ROR1: variants seen among roughly 807,000 people sequenced by gnomAD.
ROR1 encodes the protein inactive tyrosine-protein kinase transmembrane receptor ROR1.
In ROR1, 19 loss-of-function variants were observed where a neutral mutation model predicts 78.8. The observed-to-expected ratio is 0.24, with a 90% confidence interval of 0.17 to 0.35. ROR1 has a LOEUF of 0.35. Ranked by LOEUF, ROR1 falls within the 10% of genes least tolerant of loss-of-function variation. The probability of loss-of-function intolerance (pLI) is 1.00; values close to 1 mark genes in which losing one functional copy is unlikely to be tolerated. For synonymous variants in ROR1, 386 were observed against 433.6 expected (o/e 0.89, Z 1.36); for missense variants, 917 against 1,177.8 (o/e 0.78, Z 3.24).
chr1:64,167,714 A>G (rs971372929), intron 8 of ROR1, among the ~76,000 whole-genome samples: 1 of 152,170 alleles, frequency 6.6e-6, no homozygotes, highest in African/African-American at 2.4e-5. Flanking sequence ...TCTTACATCT[A>G]TATACTCTCC....
intron 1 of ROR1, among the ~76,000 whole-genome samples, chr1:63,943,592 A>G (rs1645858957): frequency 6.6e-6 from 1 of 152,076 alleles, no homozygotes; most frequent in South Asian, 2.1e-4. Context: ...TTAGCAGAGC[A>G]GATACCGGGT....
At chr1:63,800,969 T>A (rs1164491221) in intron 1 of ROR1, among the ~76,000 whole-genome samples, 1 of 152,060 alleles carries the variant, frequency 6.6e-6, no homozygotes, top group Non-Finnish European at 1.5e-5. Context: ...CTAGGTTTTT[T>A]TTTTTTGGTG....
intron 1 of ROR1, among the ~76,000 whole-genome samples, chr1:63,810,269 C>T (rs2100268356): frequency 6.6e-6 from 1 of 152,302 alleles, no homozygotes; most frequent in African/African-American, 2.4e-5. Context: ...CCAGAGGAGG[C>T]AAAAGATATT....
chr1:63,779,750 A>G (rs766896781), intron 1 of ROR1, among the ~76,000 whole-genome samples: 3 of 152,164 alleles, frequency 2.0e-5, no homozygotes, highest in Non-Finnish European at 4.4e-5. Flanking sequence ...AAGGCAGTGA[A>G]ACGTGGATTA....
chr1:63,841,235 C>G (rs1445697926), intron 1 of ROR1, among the ~76,000 whole-genome samples: 1 of 152,206 alleles, frequency 6.6e-6, no homozygotes, highest in Non-Finnish European at 1.5e-5. Flanking sequence ...TGCTCAAGGT[C>G]ATAAAATTGC....
At chr1:64,055,964 T>C (rs1221672782) in intron 4 of ROR1, among the ~76,000 whole-genome samples, 1 of 152,252 alleles carries the variant, frequency 6.6e-6, no homozygotes, top group Admixed American at 6.5e-5. Context: ...TTCTTTCACT[T>C]AGCATAAGGA....
chr1:63,901,360 T>C (rs990073378), intron 1 of ROR1, among the ~76,000 whole-genome samples: 11 of 151,990 alleles, frequency 7.2e-5, no homozygotes, highest in African/African-American at 2.7e-4. Context: ...GCCTTGGGAG[T>C]TGTTGTCCGG....
intron 1 of ROR1, among the ~76,000 whole-genome samples, chr1:63,855,850 C>T (rs910375522): frequency 6.6e-5 from 10 of 151,186 alleles, no homozygotes; most frequent in Admixed American, 2.0e-4. Context: ...GTAGAGACGG[C>T]GTTTCACCAT....
At chr1:64,135,420 T>C (rs931868697) in intron 4 of ROR1, among the ~76,000 whole-genome samples, 3 of 151,996 alleles carry the variant, frequency 2.0e-5, no homozygotes. Flanking sequence ...GAGTTTAATG[T>C]GGGGGAGAAA....
intron 7 of ROR1, among the ~76,000 whole-genome samples, chr1:64,157,535 G>C (rs1649808848): frequency 6.6e-6 from 1 of 152,138 alleles, no homozygotes; most frequent in Non-Finnish European, 1.5e-5. Flanking sequence ...CCCAAAACCA[G>C]GTTTTGGTAT....
intron 1 of ROR1, among the ~76,000 whole-genome samples, chr1:63,812,249 G>A (rs1318446016): frequency 2.0e-5 from 3 of 152,152 alleles, no homozygotes; most frequent in Non-Finnish European, 4.4e-5. Context: ...ACCAAGGCCT[G>A]CAGGCCAAAT....
At chr1:64,120,917 T>C (rs138766943) in intron 4 of ROR1, among the ~76,000 whole-genome samples, 1 of 152,264 alleles carries the variant, frequency 6.6e-6, no homozygotes, top group African/African-American at 2.4e-5. Flanking sequence ...TGGAAGGGTA[T>C]CTCTGTTCCC....
Position 63,775,765 on chromosome 1 carries a change from T to C in ROR1, c.91+1257T>C, listed in dbSNP as rs145832474. On this transcript the variant is annotated intron_variant, in intron 1 of 8. Transcript: ENST00000371079. ...TGAAATTTTGATTTCTTAGAGATGG[T>C]TTTTGGAAGCTAGAGTAGCATTTTC... is the stretch of plus-strand genomic sequence containing the variant. Among the ~76,000 whole-genome samples the C allele has an allele frequency of 1.1e-4, 16 of 152,252 alleles. No individual in the cohort carries two copies. In the East Asian group the frequency reaches 3.1e-3, roughly 29 times the overall value.
chr1:63,999,528 A>G (rs1218111246), intron 1 of ROR1, among the ~76,000 whole-genome samples: 1 of 151,954 alleles, frequency 6.6e-6, no homozygotes, highest in Non-Finnish European at 1.5e-5. Flanking sequence ...TGCAGCATTT[A>G]TCATATTATA....
At chr1:63,825,943 C>T (rs907832393) in intron 1 of ROR1, among the ~76,000 whole-genome samples, 7 of 151,996 alleles carry the variant, frequency 4.6e-5, no homozygotes, top group Non-Finnish European at 8.8e-5. Flanking sequence ...ACCTCAGTTC[C>T]CTCATCTATA....
intron 1 of ROR1, among the ~76,000 whole-genome samples, chr1:63,969,734 T>C (rs1646104526): frequency 6.6e-6 from 1 of 150,402 alleles, no homozygotes. Context: ...TCTCATTCAT[T>C]TCAGTCCCCT....
chr1:63,889,099 A>G (rs893900779), intron 1 of ROR1, among the ~76,000 whole-genome samples: 2 of 152,124 alleles, frequency 1.3e-5, no homozygotes, highest in Non-Finnish European at 2.9e-5. Context: ...AAATTCCTTG[A>G]CATATGAGCA....
At chr1:63,882,344 A>G (rs1019579223) in intron 1 of ROR1, among the ~76,000 whole-genome samples, 13 of 152,156 alleles carry the variant, frequency 8.5e-5, no homozygotes, top group Non-Finnish European at 1.8e-4. Context: ...GAAAAATATT[A>G]ATCTGAAAAG....
intron 2 of ROR1, among the ~76,000 whole-genome samples, chr1:64,039,760 A>G (rs886574053): frequency 3.9e-5 from 6 of 152,168 alleles, no homozygotes; most frequent in African/African-American, 1.4e-4. Context: ...CCAAACCAGA[A>G]ATGTATTTCA....
Sources: gnomAD v4.1 joint callset for allele counts (sites outside exome capture counted in the v4.1 genomes callset) on GRCh38, gnomAD v4.1.1 for gene constraint, MANE v1.5 for transcripts, NCBI Gene and HGNC (gene_info 2026-07-23, HGNC 2026-07-21) for gene names.